POGZ: variants seen among roughly 807,000 people sequenced by gnomAD.
The protein encoded by POGZ is pogo transposable element with ZNF domain.
In POGZ, 17 loss-of-function variants were observed where a neutral mutation model predicts 134.6. The ratio of observed to expected loss-of-function variants is 0.13; its 90% CI spans 0.09 to 0.19. The LOEUF is 0.19. Among genes scored for constraint, POGZ ranks in the 10% least tolerant of loss-of-function variants. POGZ has a pLI of 1.00. For synonymous variants in POGZ, 693 were observed against 657.1 expected (o/e 1.05, Z -0.84); for missense variants, 1,306 against 1,769.7 (o/e 0.74, Z 4.70).
At chr1:151,418,814 A>G (rs1266046366) in intron 10 of POGZ, among the ~76,000 whole-genome samples, 1 of 151,710 alleles carries the variant, frequency 6.6e-6, no homozygotes, top group East Asian at 1.9e-4. Context: ...TCACGAGGTC[A>G]GGAGTTTGAG....
intron 1 of POGZ, among the ~76,000 whole-genome samples, chr1:151,452,085 A>G (rs184684937): frequency 0.011 from 1,517 of 143,488 alleles, 18 homozygotes; most frequent in Non-Finnish European, 0.016. Context: ...CAACAAGAGC[A>G]AGACTCCGTC....
intron 3 of POGZ, among the ~76,000 whole-genome samples, chr1:151,433,314 T>C (rs1659022697): frequency 6.6e-6 from 1 of 152,000 alleles, no homozygotes; most frequent in African/African-American, 2.4e-5. Context: ...ATTGTTAGAA[T>C]TTTTCCAAAA....
At chr1:151,422,163 T>C (rs1657023496) in intron 10 of POGZ, among the ~76,000 whole-genome samples, 1 of 152,222 alleles carries the variant, frequency 6.6e-6, no homozygotes, top group African/African-American at 2.4e-5. Context: ...CCTAAAAGCT[T>C]TTCTTACTAC....
chr1:151,424,344 C>G, intron 8 of POGZ, 58 bp from the exon 9 acceptor site: 1 of 1,042,510 alleles, frequency 9.6e-7, no homozygotes, highest in South Asian at 1.6e-5. Flanking sequence ...TGTGCTAACT[C>G]CTTAACTTCA....
At chr1:151,432,085 C>A (rs760390354) in intron 3 of POGZ, among the ~76,000 whole-genome samples, 11 of 152,172 alleles carry the variant, frequency 7.2e-5, no homozygotes, top group Non-Finnish European at 1.5e-4. Context: ...AGGAGAATTG[C>A]TTGAACCAGG....
intron 12 of POGZ, among the ~76,000 whole-genome samples, chr1:151,410,924 A>G (rs1267134757): frequency 6.6e-6 from 1 of 152,180 alleles, no homozygotes; most frequent in African/African-American, 2.4e-5. Flanking sequence ...AATCTTCTGA[A>G]TATCTCTCAA....
chr1:151,422,551 TCACTGAAAG>T (rs564612565), intron 10 of POGZ, among the ~76,000 whole-genome samples: 68 of 152,332 alleles, frequency 4.5e-4, no homozygotes, highest in African/African-American at 1.6e-3. Flanking sequence ...ACCTTATATT[TCACTGAAAG>T]CACTGTCTTA....
Position 151,405,034 on chromosome 1 carries a change from C to T in POGZ, c.4001G>A (p.Gly1334Asp). The change falls in exon 19 of 19, where the codon GGC becomes GAC. Residue 1334 changes from glycine (G) to aspartate (D), a missense_variant. By Grantham distance (94) the Gly-to-Asp change is moderately conservative. Around this residue, in one of 10 missense-constraint regions of POGZ, gnomAD observed 107 missense variants for 97.9 expected, o/e 1.09. Coordinates refer to ENST00000271715, the MANE Select transcript of POGZ (RefSeq NM_015100.4). This position sits in a 1 kb window ranked among gnomAD's most constrained non-coding sequence, Gnocchi z 4.9. ...LVASVLPGPD[G>D]NINSPTRNAD... Reference sequence around the variant, plus strand: ...ATTTCTTGTAGGTGAGTTAATGTTGCCATCGGGGCCAGGCAGAACACTAGC... The same window carrying T: ...ATTTCTTGTAGGTGAGTTAATGTTGTCATCGGGGCCAGGCAGAACACTAGC... 2 of 1,614,124 alleles carry T rather than the reference C, an allele frequency of 1.2e-6. No homozygotes were observed. Among genetic ancestry groups the T allele is most frequent in the African/African-American group, 1.3e-5 (1 of 75,020 alleles).
In POGZ at chr1:151,444,777, G is replaced by T. The variant is rs944938611; in HGVS notation, c.-1-2572C>A. Among the ~76,000 whole-genome samples, 11 of 152,188 alleles carry T rather than the reference G, an allele frequency of 7.2e-5. 1 individual carries two copies. The South Asian group carries it at 2.1e-3, about 29-fold the overall frequency. On this transcript the variant is annotated intron_variant, in intron 1 of 18. Coordinates refer to ENST00000271715, the MANE Select transcript of POGZ (RefSeq NM_015100.4). ...AGCAATGAATTTTAATAAGAATATT[G>T]AAATTTCTTCCATTTGACCTTCTGA...
chr1:151,421,013 G>A (rs1656812053), intron 10 of POGZ, among the ~76,000 whole-genome samples: 1 of 139,514 alleles, frequency 7.2e-6, no homozygotes, highest in Non-Finnish European at 1.6e-5. Flanking sequence ...ATATACCTAT[G>A]ATAAAGTTTA....
At chr1:151,432,900 A>G (rs1206426941) in intron 3 of POGZ, among the ~76,000 whole-genome samples, 2 of 152,224 alleles carry the variant, frequency 1.3e-5, no homozygotes, top group African/African-American at 4.8e-5. Flanking sequence ...ATCCAGTTAC[A>G]AAATGTTTGC....
chr1:151,446,623 G>A (rs921269461), intron 1 of POGZ, among the ~76,000 whole-genome samples: 1 of 151,866 alleles, frequency 6.6e-6, no homozygotes, highest in African/African-American at 2.4e-5. Flanking sequence ...AGGTGTGGTG[G>A]CACACGCCTG....
Position 151,404,770 on chromosome 1 carries a change from C to A in POGZ, c.*32G>T. On this transcript the variant is annotated 3_prime_UTR_variant, in exon 19 of 19. Coordinates refer to ENST00000271715, the MANE Select transcript of POGZ (RefSeq NM_015100.4). ...TTTACCCTCCCTCACATGTTCCCACCCTCACTCCACACCCCCTCATGACCC... is the reference window on the plus strand; with the variant it reads ...TTTACCCTCCCTCACATGTTCCCACACTCACTCCACACCCCCTCATGACCC... 6.4e-7 allele frequency: 1 copy of A among 1,559,090 alleles called. No individual in the cohort carries two copies. The highest frequency in any genetic ancestry group is 1.2e-5 in the South Asian group (1 of 81,994).
intron 7 of POGZ, among the ~76,000 whole-genome samples, chr1:151,426,012 TTTG>T (rs1416551588): frequency 1.3e-5 from 2 of 152,194 alleles, no homozygotes; most frequent in African/African-American, 4.8e-5. Context: ...CTCAACAATA[TTTG>T]TTATTTTATG....
chr1:151,409,781 C>A (rs1018606706), intron 12 of POGZ, among the ~76,000 whole-genome samples: 1 of 152,172 alleles, frequency 6.6e-6, no homozygotes, highest in African/African-American at 2.4e-5. Flanking sequence ...CTTGTCTATA[C>A]CTTGCTGTTT....
At chr1:151,448,270 G>T (rs554330970) in intron 1 of POGZ, among the ~76,000 whole-genome samples, 21 of 152,010 alleles carry the variant, frequency 1.4e-4, no homozygotes, top group Non-Finnish European at 2.5e-4. Context: ...CTGACTGTAT[G>T]TATTCCCCTA....
intron 3 of POGZ, 93 bp from the exon 4 acceptor site, chr1:151,430,934 T>C (rs976914546): frequency 5.8e-6 from 4 of 692,122 alleles, no homozygotes; most frequent in Non-Finnish European, 8.1e-6. Flanking sequence ...TTTTATTTTA[T>C]TTTATTTTAT....
At chr1:151,423,671 G>T in intron 9 of POGZ, 120 bp from the exon 10 acceptor site, 1 of 798,268 alleles carries the variant, frequency 1.3e-6, no homozygotes. Context: ...CAGACTTCCT[G>T]TTTGGGATAT....
At chr1:151,416,210 C>CAAA (rs1212371839) in intron 10 of POGZ, among the ~76,000 whole-genome samples, 2,692 of 42,572 alleles carry the variant, frequency 0.063, 284 homozygotes, top group African/African-American at 0.071. Context: ...AACTCCATCT[C>CAAA]AAAAAAAAAA....
Sources: gnomAD v4.1 joint callset for allele counts (sites outside exome capture counted in the v4.1 genomes callset) on GRCh38, gnomAD v4.1.1 for gene constraint, gnomAD v4.1.1 regional missense constraint, Gnocchi (gnomAD v3.1) non-coding constraint, MANE v1.5 for transcripts, NCBI Gene and HGNC (gene_info 2026-07-23, HGNC 2026-07-21) for gene names.